The following LIPH variants were observed in gnomAD, a reference collection of about 807,000 sequenced individuals.
LIPH encodes lipase member H.
Under a neutral mutation model 47.6 loss-of-function variants are expected in LIPH, and 32 were observed. The observed-to-expected ratio is 0.67, with a 90% CI of 0.51 to 0.90. The LOEUF is 0.90. LIPH is among the 40% of genes least tolerant of loss of function. LIPH has a pLI of 0.00. For synonymous variants in LIPH, 190 were observed against 195.6 expected (o/e 0.97, Z 0.24); for missense variants, 497 against 541.4 (o/e 0.92, Z 0.81).
intron 3 of LIPH, among the ~76,000 whole-genome samples, chr3:185,528,505 G>A (rs1720199802): frequency 6.6e-6 from 1 of 152,066 alleles, no homozygotes; most frequent in African/African-American, 2.4e-5. Context: ...GGGAGGCAGG[G>A]TAGCTATTAT....
In LIPH at chr3:185,526,691, A is replaced by ATAATATAATATAATATAAT. The variant is rs1560163035; in HGVS notation, c.628+792_628+793insATTATATTATATTATATTA. ...TATAATATAATATAATATAATATAA[A>ATAATATAATATAATATAAT]ATAAATAAAATAAAATAAATAAAAT... On this transcript the variant is annotated intron_variant, in intron 4 of 9. Transcript: ENST00000296252. 6.8e-3 allele frequency among the ~76,000 whole-genome samples: 223 copies of ATAATATAATATAATATAAT among 32,698 alleles called. 2 individuals are homozygous for ATAATATAATATAATATAAT. The highest frequency in any genetic ancestry group is 0.018 in the African/African-American group (213 of 11,896). The allele number at this position is 32,698 out of a possible 152,430, so 21.5% of individuals were successfully genotyped here.
At chr3:185,512,727 G>A (rs1432438422) in intron 8 of LIPH, among the ~76,000 whole-genome samples, 1 of 151,720 alleles carries the variant, frequency 6.6e-6, no homozygotes, top group Non-Finnish European at 1.5e-5. Context: ...GACCTCAGGT[G>A]ATCCGCCTGC....
chr3:185,546,974 T>A, intron 1 of LIPH: 1 of 439,416 alleles, frequency 2.3e-6, no homozygotes, highest in Non-Finnish European at 4.5e-6. Flanking sequence ...AAGAGGCATC[T>A]GTGAAAAAAG....
Position 185,524,128 on chromosome 3 carries a change from CTA to C in LIPH, c.659_660del (p.Ile220ArgfsTer25), listed in dbSNP as rs559648418. The C allele has an allele frequency of 4.2e-5, 68 of 1,613,426 alleles. 1 individual carries two copies. In the South Asian group the frequency reaches 7.1e-4, roughly 17 times the overall value. ...ALGYKEPLGNIDFYPNGGLDQ... is the reference protein window; with the variant it reads ...ALGYKEPLGNXDFYPNGGLDQ... ...TCCAATCCTCCATTTGGGTAGAAGTCTATGTTTCCTAATGGCTCCTTGTAGCC... is the reference window on the plus strand; with the variant it reads ...TCCAATCCTCCATTTGGGTAGAAGTCTGTTTCCTAATGGCTCCTTGTAGCC... On this transcript the variant is annotated frameshift_variant, in exon 5 of 10. Coordinates refer to ENST00000296252, the MANE Select transcript of LIPH (RefSeq NM_139248.3).
chr3:185,543,846 C>CTTTTTT lies in LIPH; in HGVS notation c.49+8571_49+8576dup, dbSNP rs57080060. On this transcript the variant is annotated intron_variant, in intron 1 of 9. Transcript: ENST00000296252. ...TTTACCACTAGGTGACTGGCTCTTG[C>CTTTTTT]TTTTTTTTTTTTTTTTTTTGATGCA... is the stretch of plus-strand genomic sequence containing the variant. Among the ~76,000 whole-genome samples, 14 of 108,704 alleles carry CTTTTTT rather than the reference C, an allele frequency of 1.3e-4. 1 individual carries two copies. The highest frequency in any genetic ancestry group is 1.4e-4 in the African/African-American group (4 of 29,298). 71.3% of individuals were successfully genotyped at this position (108,704 alleles called of 152,430 possible). A position where few individuals can be genotyped will look rare whatever the true frequency, so the allele number is the denominator to read the frequency against.
At chr3:185,526,229 A>G (rs1478338802) in intron 4 of LIPH, among the ~76,000 whole-genome samples, 1 of 151,834 alleles carries the variant, frequency 6.6e-6, no homozygotes, top group Non-Finnish European at 1.5e-5. Flanking sequence ...AAAATTAAAA[A>G]AATAAAGATG....
rs140838242 is a variant in LIPH at position 185,514,501 on chromosome 3, T to C, written c.1003A>G (p.Ile335Val). The part of the protein sequence containing the change: ...PFCMYHYFVD[I>V]ITWNKNVRRG... The stretch of plus-strand genomic sequence containing the variant: ...CTTACATTCTTGTTCCATGTTATAA[T>C]ATCCACAAAGTAATGATACACTGCA... The change falls in exon 8 of 10, where the codon ATT (isoleucine) becomes GTT (valine). Residue 335 changes from isoleucine (I) to valine (V), a missense_variant. Physicochemically the swap from Ile to Val is conservative, Grantham distance 29. Transcript: ENST00000296252. 3 of 1,457,264 alleles carry C rather than the reference T, an allele frequency of 2.1e-6. No individual in the cohort carries two copies. Among genetic ancestry groups the C allele is most frequent in the Non-Finnish European group, 2.9e-6 (3 of 1,037,100 alleles). 90.3% of individuals were successfully genotyped at this position (1,457,264 alleles called of 1,614,324 possible).
In LIPH at chr3:185,534,933, G is replaced by C. The variant is rs754554976; in HGVS notation, c.249C>G (p.Ser83=). ...FIVHGFRPTG[S]PPVWMDDLVK... ...CTAAGTCATCCATCCAAACAGGAGGGGAGCCTGTTGGCCTGAATCCATGGA... is the reference window on the plus strand; with the variant it reads ...CTAAGTCATCCATCCAAACAGGAGGCGAGCCTGTTGGCCTGAATCCATGGA... Residue 83 remains serine (S), a synonymous_variant, in exon 2 of 10, where the codon TCC becomes TCG. Transcript: ENST00000296252. The C allele has an allele frequency of 6.2e-7, 1 of 1,613,710 alleles. No individual in the cohort carries two copies. The highest frequency in any genetic ancestry group is 1.1e-5 in the South Asian group (1 of 91,070).
At chr3:185,544,712 A>G (rs1720816994) in intron 1 of LIPH, among the ~76,000 whole-genome samples, 1 of 152,178 alleles carries the variant, frequency 6.6e-6, no homozygotes, top group Middle Eastern at 3.4e-3. Context: ...CTGAAGCATT[A>G]TTTCCTTTTT....
intron 3 of LIPH, among the ~76,000 whole-genome samples, chr3:185,530,953 A>G (rs938831212): frequency 6.6e-6 from 1 of 152,214 alleles, no homozygotes; most frequent in African/African-American, 2.4e-5. Context: ...CATCTGAAGC[A>G]GGACAGTTTT....
intron 1 of LIPH, among the ~76,000 whole-genome samples, chr3:185,546,352 C>CA (rs56984831): frequency 0.02 from 1,210 of 60,318 alleles, 19 homozygotes; most frequent in African/African-American, 0.053. Flanking sequence ...GACTCCGTCT[C>CA]AAAAAAAAAA....
At chr3:185,530,477 C>CAAATAATAATA (rs1275683150) in intron 3 of LIPH, among the ~76,000 whole-genome samples, 1 of 151,554 alleles carries the variant, frequency 6.6e-6, no homozygotes, top group Non-Finnish European at 1.5e-5. Context: ...GACTCGGTCT[C>CAAATAATAATA]AAATAATAAT....
chr3:185,552,265 T>G (rs1004451373), intron 1 of LIPH, among the ~76,000 whole-genome samples, 158 bp downstream of exon 1: 1 of 150,742 alleles, frequency 6.6e-6, no homozygotes, highest in Non-Finnish European at 1.5e-5. Context: ...TTTAAGGAAA[T>G]GTTAAGGAAA....
At chr3:185,511,775 T>A in intron 8 of LIPH, 78 bp from the exon 9 acceptor site, 1 of 967,354 alleles carries the variant, frequency 1.0e-6, no homozygotes, top group Non-Finnish European at 1.7e-6. Context: ...TGCAAGTCAC[T>A]GGTAAGCTGG....
chr3:185,519,024 G>A (rs1719817221), intron 6 of LIPH, 118 bp downstream of exon 6: 6 of 888,184 alleles, frequency 6.8e-6, no homozygotes, highest in Non-Finnish European at 9.4e-6. Context: ...GTGCCCAGCA[G>A]AAAAACAAGT....
intron 1 of LIPH, among the ~76,000 whole-genome samples, chr3:185,543,541 T>C (rs377450292): frequency 6.6e-6 from 1 of 152,198 alleles, no homozygotes; most frequent in East Asian, 1.9e-4. Flanking sequence ...TAATGCAGTG[T>C]TTGAGGCCAC....
chr3:185,516,097 G>A (rs1719722009), intron 7 of LIPH, among the ~76,000 whole-genome samples: 2 of 152,076 alleles, frequency 1.3e-5, no homozygotes, highest in Admixed American at 1.3e-4. Context: ...TTGTGCCACT[G>A]CACTCCAGCC....
At chr3:185,547,165 G>C (rs966564861) in intron 1 of LIPH, among the ~76,000 whole-genome samples, 1 of 151,652 alleles carries the variant, frequency 6.6e-6, no homozygotes, top group East Asian at 1.9e-4. Flanking sequence ...AGGTATCTCA[G>C]ACCCATCTCA....
intron 4 of LIPH, among the ~76,000 whole-genome samples, chr3:185,526,808 G>C (rs1162341154): frequency 6.6e-6 from 1 of 151,754 alleles, no homozygotes; most frequent in African/African-American, 2.4e-5. Flanking sequence ...TGTGTGGAGA[G>C]ATTTAACACC....
Sources: gnomAD v4.1 joint callset for allele counts (sites outside exome capture counted in the v4.1 genomes callset) on GRCh38, gnomAD v4.1.1 for gene constraint, MANE v1.5 for transcripts, NCBI Gene and HGNC (gene_info 2026-07-23, HGNC 2026-07-21) for gene names.